Variants in TMEM117 observed in about 807,000 individuals in gnomAD.
The protein encoded by TMEM117 is transmembrane protein 117.
Under a neutral mutation model 52.4 loss-of-function variants are expected in TMEM117, and 27 were observed. That is an observed-to-expected ratio of 0.51 (90% CI 0.38 to 0.71). The LOEUF (loss-of-function observed/expected upper bound fraction) is 0.71, where lower values mean the gene tolerates loss of function less well. Ranked by LOEUF, TMEM117 falls within the 30% of genes least tolerant of loss-of-function variation. The probability of loss-of-function intolerance (pLI) is 0.00; values close to 1 mark genes in which losing one functional copy is unlikely to be tolerated. For missense variants in TMEM117, 556 were observed against 630.5 expected (o/e 0.88, Z 1.26); for synonymous variants, 215 against 206.3 (o/e 1.04, Z -0.36).
chr12:43,949,648 G>A (rs538309978), intron 3 of TMEM117, among the ~76,000 whole-genome samples: 49 of 152,092 alleles, frequency 3.2e-4, no homozygotes, highest in Non-Finnish European at 4.3e-4. Flanking sequence ...CACTGGCTGC[G>A]ACCAATTATT....
At chr12:44,028,076 C>G (rs1170932244) in intron 3 of TMEM117, among the ~76,000 whole-genome samples, 1 of 152,120 alleles carries the variant, frequency 6.6e-6, no homozygotes, top group Non-Finnish European at 1.5e-5. Flanking sequence ...ACCTGTAGTC[C>G]CAGCTACTCG....
At chr12:43,943,282 G>A (rs1488065425) in intron 2 of TMEM117, among the ~76,000 whole-genome samples, 1 of 151,148 alleles carries the variant, frequency 6.6e-6, no homozygotes, top group Non-Finnish European at 1.5e-5. Flanking sequence ...ATTATTCTTA[G>A]GAAAGGAGGT....
At chr12:43,940,288 C>T (rs537714228) in intron 2 of TMEM117, among the ~76,000 whole-genome samples, 15 of 152,314 alleles carry the variant, frequency 9.8e-5, no homozygotes, top group Non-Finnish European at 2.1e-4. Context: ...ACAAACACTT[C>T]TCCTTCTCCT....
intron 3 of TMEM117, among the ~76,000 whole-genome samples, chr12:44,126,828 C>T (rs1187219689): frequency 6.6e-6 from 1 of 152,186 alleles, no homozygotes; most frequent in East Asian, 1.9e-4. Flanking sequence ...CTGTTATCTG[C>T]AGCTGTTAAC....
chr12:43,832,403 G>A (rs751671496), upstream of TMEM117, among the ~76,000 whole-genome samples: 4 of 152,206 alleles, frequency 2.6e-5, no homozygotes, highest in Non-Finnish European at 2.9e-5. Context: ...GATGGAAGGA[G>A]ACTGAAGAAT....
rs565869792 is a variant in TMEM117 at position 44,251,518 on chromosome 12, G to T, written c.608+40131G>T. The stretch of plus-strand genomic sequence containing the variant: ...ATTTAATCATCTGTGATAGTAACAT[G>T]AGGCCAAGTGTAGTATGACCACTGC... On this transcript the variant is annotated intron_variant, in intron 5 of 7. Coordinates refer to ENST00000266534, the MANE Select transcript of TMEM117 (RefSeq NM_032256.3). 7.2e-5 allele frequency among the ~76,000 whole-genome samples: 11 copies of T among 152,240 alleles called. No homozygotes were observed. The South Asian group carries it at 2.3e-3, about 32-fold the overall frequency.
chr12:43,982,138 C>T (rs1945770660), intron 3 of TMEM117, among the ~76,000 whole-genome samples: 1 of 152,054 alleles, frequency 6.6e-6, no homozygotes. Flanking sequence ...TGTAGAATTA[C>T]AATATGCCAA....
chr12:44,174,397 T>C (rs1028339986), intron 4 of TMEM117, among the ~76,000 whole-genome samples: 4 of 152,204 alleles, frequency 2.6e-5, no homozygotes, highest in Non-Finnish European at 5.9e-5. Context: ...CAAAAATATT[T>C]ACTATCCAGT....
intron 3 of TMEM117, among the ~76,000 whole-genome samples, chr12:43,979,308 T>G (rs759248314): frequency 2.6e-5 from 4 of 152,116 alleles, no homozygotes; most frequent in Non-Finnish European, 4.4e-5. Context: ...CAGAGGCATA[T>G]AAACTTAAAA....
the TMEM117 span, chr12:43,806,293 C>T: frequency 6.9e-7 from 1 of 1,441,590 alleles, no homozygotes; most frequent in South Asian, 1.3e-5. Context: ...CAGCCAGCGG[C>T]CCCGGCCGGC....
chr12:44,392,606 T>C (rs993176888), downstream of TMEM117, among the ~76,000 whole-genome samples: 6 of 151,972 alleles, frequency 3.9e-5, no homozygotes, highest in Non-Finnish European at 8.8e-5. Flanking sequence ...ATGTGCCATG[T>C]TGGTGTGCTG....
intron 5 of TMEM117, among the ~76,000 whole-genome samples, chr12:44,263,061 A>G (rs924215921): frequency 6.6e-6 from 1 of 152,210 alleles, no homozygotes. Context: ...TTCTTTTGCT[A>G]TGTCACAGAC....
intron 2 of TMEM117, among the ~76,000 whole-genome samples, chr12:43,877,179 A>G (rs1002038341): frequency 2.6e-5 from 4 of 152,220 alleles, no homozygotes; most frequent in African/African-American, 9.6e-5. Context: ...AAAAATGCCT[A>G]GAATTAGAAT....
At chr12:44,238,700 T>C (rs1308905931) in intron 5 of TMEM117, among the ~76,000 whole-genome samples, 1 of 152,184 alleles carries the variant, frequency 6.6e-6, no homozygotes, top group African/African-American at 2.4e-5. Flanking sequence ...ACTCCCTTCT[T>C]AACGGGAATT....
At chr12:44,168,453 A>C (rs1167782010) in intron 4 of TMEM117, among the ~76,000 whole-genome samples, 1 of 152,024 alleles carries the variant, frequency 6.6e-6, no homozygotes, top group South Asian at 2.1e-4. Context: ...ATGACAGCAT[A>C]ATAACATAAG....
chr12:43,884,213 C>A (rs1171621802), intron 2 of TMEM117, among the ~76,000 whole-genome samples: 2 of 151,460 alleles, frequency 1.3e-5, no homozygotes, highest in Non-Finnish European at 2.9e-5. Context: ...ATATTGACAG[C>A]AGAGAGCTGA....
intron 3 of TMEM117, among the ~76,000 whole-genome samples, chr12:44,089,878 T>C (rs780681541): frequency 6.6e-6 from 1 of 152,190 alleles, no homozygotes; most frequent in Non-Finnish European, 1.5e-5. Flanking sequence ...CTTAAACAAA[T>C]AGGTGTGGCT....
chr12:43,877,634 CAAAA>C (rs372068617), intron 2 of TMEM117, among the ~76,000 whole-genome samples: 2 of 99,940 alleles, frequency 2.0e-5, no homozygotes, highest in East Asian at 6.6e-4. Context: ...GACTCGGTCT[CAAAA>C]AAAAAAAAAA....
At position 43,844,718 on chromosome 12, in the gene TMEM117, A is replaced by G; in HGVS notation, c.67A>G (p.Ile23Val). 6.2e-7 allele frequency: 1 copy of G among 1,614,110 alleles called. No homozygotes were observed. The highest frequency in any genetic ancestry group is 8.5e-7 in the Non-Finnish European group (1 of 1,180,034). Residue 23 changes from isoleucine to valine, a missense_variant, in exon 2 of 8, where the codon ATC (isoleucine) becomes GTC (valine). Around this residue, in one of 3 missense-constraint regions of TMEM117, gnomAD observed 328 missense variants for 371.4 expected, o/e 0.88. Coordinates refer to ENST00000266534, the MANE Select transcript of TMEM117 (RefSeq NM_032256.3). ...TCGCATGATTGTGGCTTACTTGGTG[A>G]TCTTCTTTAACTTCTTAATATTTGC... ...WSRMIVAYLV[I>V]FFNFLIFAED...
Sources: gnomAD v4.1 joint callset for allele counts (sites outside exome capture counted in the v4.1 genomes callset) on GRCh38, gnomAD v4.1.1 for gene constraint, gnomAD v4.1.1 regional missense constraint, MANE v1.5 for transcripts, NCBI Gene and HGNC (gene_info 2026-07-23, HGNC 2026-07-21) for gene names.